TRIM16: variants seen among roughly 807,000 people sequenced by gnomAD.
TRIM16 encodes tripartite motif-containing protein 16.
Under a neutral mutation model 50.4 loss-of-function variants are expected in TRIM16, and 33 were observed. That is an observed-to-expected ratio of 0.65 (90% CI 0.50 to 0.88). TRIM16 has a LOEUF of 0.88. TRIM16 is among the 40% of genes least tolerant of loss of function. The probability of loss-of-function intolerance (pLI) is 0.00; values close to 1 mark genes in which losing one functional copy is unlikely to be tolerated. For synonymous variants in TRIM16, 229 were observed against 270.7 expected (o/e 0.85, Z 1.51); for missense variants, 581 against 686.8 (o/e 0.85, Z 1.72).
At chr17:15,679,168 C>T (rs1267460531) in intron 4 of TRIM16, among the ~76,000 whole-genome samples, 9 of 152,234 alleles carry the variant, frequency 5.9e-5, no homozygotes, top group East Asian at 3.9e-4. Flanking sequence ...CATGAGCCAC[C>T]GCATCCAGCC....
Position 15,630,510 on chromosome 17 carries a change from A to G in TRIM16, c.1111+1109T>C, listed in dbSNP as rs1479235636. On this transcript the variant is annotated intron_variant, in intron 11 of 11. Transcript: ENST00000649191. ...TGAATTAGCATATTAAAGGCTATTA[A>G]AACAATCCCATAATTAAAAAAGTTC... is the stretch of plus-strand genomic sequence containing the variant. Among the ~76,000 whole-genome samples the G allele has an allele frequency of 1.2e-4, 18 of 152,232 alleles. 1 individual carries two copies. Among genetic ancestry groups the G allele is most frequent in the African/African-American group, 4.3e-4 (18 of 41,458 alleles).
intron 6 of TRIM16, among the ~76,000 whole-genome samples, chr17:15,655,637 T>C (rs914986781): frequency 1.3e-5 from 2 of 151,952 alleles, no homozygotes; most frequent in Admixed American, 6.6e-5. Context: ...TTCAGTGGCA[T>C]GATCTCGGCT....
intron 6 of TRIM16, among the ~76,000 whole-genome samples, chr17:15,656,236 C>G (rs1337018153): frequency 7.2e-5 from 11 of 152,256 alleles, no homozygotes; most frequent in Admixed American, 3.3e-4. Context: ...TGCCCATGCT[C>G]AAACCCCCAG....
rs1396788949 is a variant in TRIM16, at chr17:15,634,197, C to T, written c.850-1523G>A. Among the ~76,000 whole-genome samples, 8 of 148,524 alleles carry T rather than the reference C, an allele frequency of 5.4e-5. 1 individual carries two copies. The East Asian group carries it at 1.6e-3, about 31-fold the overall frequency. ...ACAAAAAATTAGCCGGGCGCGGTGG[C>T]GGGCGCCTGTAGTCCCAGCTACTTG... On this transcript the variant is annotated intron_variant, in intron 9 of 11. Coordinates refer to ENST00000649191, the MANE Select transcript of TRIM16 (RefSeq NM_001348119.1).
rs1216079316 is a variant in TRIM16, at chr17:15,680,972, A to G, written c.-678-19T>C. Reference sequence around the variant, plus strand: ...GGCAGAACTGGAAGGAAATTGACATAAAGGAACCTGGTTTATCTTTATGTA... The same window carrying G: ...GGCAGAACTGGAAGGAAATTGACATGAAGGAACCTGGTTTATCTTTATGTA... On this transcript the variant is annotated intron_variant, in intron 3 of 11. Coordinates refer to ENST00000649191, the MANE Select transcript of TRIM16 (RefSeq NM_001348119.1). 1 of 1,468,544 alleles carries G rather than the reference A, an allele frequency of 6.8e-7. No individual in the cohort carries two copies. Among genetic ancestry groups the G allele is most frequent in the South Asian group, 1.3e-5 (1 of 75,880 alleles). The allele number at this position is 1,468,544 out of a possible 1,614,324, so 91.0% of individuals were successfully genotyped here.
At chr17:15,682,111 GC>G (rs1196830430) in intron 3 of TRIM16, among the ~76,000 whole-genome samples, 11 of 152,120 alleles carry the variant, frequency 7.2e-5, no homozygotes, top group African/African-American at 2.7e-4. Flanking sequence ...CACATAAACG[GC>G]CCAAACCAGT....
intron 6 of TRIM16, among the ~76,000 whole-genome samples, chr17:15,658,542 C>T (rs1161407743): frequency 6.6e-6 from 1 of 152,140 alleles, no homozygotes; most frequent in South Asian, 2.1e-4. Flanking sequence ...ATAAACTGAT[C>T]GTAACCCTGA....
chr17:15,682,686 A>G (rs1435980795), intron 3 of TRIM16, among the ~76,000 whole-genome samples, 168 bp downstream of exon 3: 1 of 152,186 alleles, frequency 6.6e-6, no homozygotes, highest in Non-Finnish European at 1.5e-5. Context: ...CAGCCTCTCC[A>G]TACCTATTTC....
intron 6 of TRIM16, among the ~76,000 whole-genome samples, chr17:15,652,347 G>C (rs1305476545): frequency 1.4e-5 from 2 of 143,140 alleles, no homozygotes; most frequent in Non-Finnish European, 3.0e-5. Flanking sequence ...TTTTAGTAGA[G>C]ACGGGGTTTC....
At position 15,628,986 on chromosome 17, in the gene TRIM16, C is replaced by T. The variant is rs147647405; in HGVS notation, c.1324G>A (p.Val442Ile). Residue 442 changes from valine (V) to isoleucine (I), a missense_variant, in exon 12 of 12, where the codon GTT becomes ATT. Physicochemically the swap from Val to Ile is conservative, Grantham distance 29 (BLOSUM62 3). Transcript: ENST00000649191. ...EVEIFGAGTY[V>I]GLTCKGIDRK... is the part of the protein sequence containing the mutation. ...TCGATGCCTTTGCAGGTCAGGCCAA[C>T]ATAGGTGCCTGCCCCGAAGATCTCC... The T allele has an allele frequency of 2.6e-5, 42 of 1,613,616 alleles. No individual in the cohort carries two copies. The African/African-American group carries it at 5.1e-4, about 20-fold the overall frequency.
intron 4 of TRIM16, among the ~76,000 whole-genome samples, chr17:15,680,201 T>C (rs151315): frequency 0.28 from 42,435 of 151,928 alleles, 6,694 homozygotes; most frequent in African/African-American, 0.42. Context: ...GCCTAGGAGC[T>C]GCTTAAAAGG....
intron 6 of TRIM16, among the ~76,000 whole-genome samples, chr17:15,652,839 T>A (rs935732799): frequency 6.6e-6 from 1 of 152,132 alleles, no homozygotes; most frequent in Non-Finnish European, 1.5e-5. Flanking sequence ...CTCGTGGAGA[T>A]GAACATCACG....
intron 6 of TRIM16, among the ~76,000 whole-genome samples, chr17:15,662,616 G>A (rs568990163): frequency 3.3e-5 from 5 of 152,036 alleles, no homozygotes; most frequent in South Asian, 4.2e-4. Flanking sequence ...GTGTTGTCTC[G>A]AGCTTGAGAG....
At position 15,667,021 on chromosome 17, in the gene TRIM16, A is replaced by T. The variant is rs570844686; in HGVS notation, c.-338+10155T>A. Reference sequence around the variant, plus strand: ...AACTAATAGGCTTATGAATGGGATAAGTCTAAAAGCATAAAGTATTTGTAG... The same window carrying T: ...AACTAATAGGCTTATGAATGGGATATGTCTAAAAGCATAAAGTATTTGTAG... On this transcript the variant is annotated intron_variant, in intron 6 of 11. Transcript: ENST00000649191. Among the ~76,000 whole-genome samples the T allele has an allele frequency of 5.3e-5, 8 of 152,322 alleles. No homozygotes were observed. The South Asian group carries it at 1.7e-3, about 32-fold the overall frequency.
Position 15,628,885 on chromosome 17 carries a change from C to G in TRIM16, c.1425G>C (p.Glu475Asp), listed in dbSNP as rs776089810. Residue 475 changes from glutamate to aspartate, a missense_variant, in exon 12 of 12, where the codon GAG becomes GAC. Glu to Asp is a conservative substitution (Grantham distance 45). Transcript: ENST00000649191. ...FSWSLQWNGK[E>D]FTAWYSDMET... ...CCATGTCACTGTACCAGGCCGTGAA[C>G]TCCTTCCCGTTCCATTGGAGGCTCC... 3 of 1,614,264 alleles carry G rather than the reference C, an allele frequency of 1.9e-6. No individual in the cohort carries two copies. In the South Asian group the frequency reaches 3.3e-5, roughly 18 times the overall value.
At chr17:15,673,768 A>T (rs1988811739) in intron 6 of TRIM16, among the ~76,000 whole-genome samples, 1 of 152,270 alleles carries the variant, frequency 6.6e-6, no homozygotes, top group Non-Finnish European at 1.5e-5. Flanking sequence ...TTAGGTACAC[A>T]TAAAATTTCT....
At chr17:15,665,111 T>C (rs1988426392) in intron 6 of TRIM16, among the ~76,000 whole-genome samples, 1 of 151,206 alleles carries the variant, frequency 6.6e-6, no homozygotes, top group South Asian at 2.1e-4. Flanking sequence ...TGTTTGCTTC[T>C]GGAAAGTTTT....
intron 6 of TRIM16, among the ~76,000 whole-genome samples, chr17:15,669,725 T>C (rs1485469622): frequency 6.6e-6 from 1 of 152,280 alleles, no homozygotes; most frequent in African/African-American, 2.4e-5. Context: ...AGCAGGAGGC[T>C]GTACCACCAC....
chr17:15,648,365 A>G (rs2150915709), intron 7 of TRIM16, among the ~76,000 whole-genome samples: 1 of 152,240 alleles, frequency 6.6e-6, no homozygotes, highest in East Asian at 1.9e-4. Context: ...GCAGGAGAGA[A>G]AAGATAATCA....
Sources: gnomAD v4.1 joint callset for allele counts (sites outside exome capture counted in the v4.1 genomes callset) on GRCh38, gnomAD v4.1.1 for gene constraint, MANE v1.5 for transcripts, NCBI Gene and HGNC (gene_info 2026-07-23, HGNC 2026-07-21) for gene names.